Variants in DNAH2 observed in about 807,000 individuals in gnomAD.
The protein encoded by DNAH2 is axonemal beta dynein heavy chain 2.
Under a neutral mutation model 523.5 loss-of-function variants are expected in DNAH2, and 323 were observed. That is an observed-to-expected ratio of 0.62 (90% CI 0.56 to 0.68). The LOEUF (loss-of-function observed/expected upper bound fraction) is 0.68, where lower values mean the gene tolerates loss of function less well. Among genes scored for constraint, DNAH2 ranks in the 30% least tolerant of loss-of-function variants. DNAH2 has a pLI of 0.00. For missense variants in DNAH2, 4,907 were observed against 5,701.5 expected, an observed-to-expected ratio of 0.86 and a Z score of 4.49; for synonymous variants, 2,093 against 2,177.4, an observed-to-expected ratio of 0.96 and a Z score of 1.08.
intron 4 of DNAH2, among the ~76,000 whole-genome samples, chr17:7,731,731 T>C (rs1270612379): frequency 6.6e-6 from 1 of 152,074 alleles, no homozygotes; most frequent in African/African-American, 2.4e-5. Context: ...TGTTAAACTT[T>C]TAAAAAAATG....
intron 11 of DNAH2, 68 bp from the exon 12 acceptor site, chr17:7,742,860 C>CGGTGGTCGCCGTATCATTAAAA: frequency 2.5e-6 from 3 of 1,217,058 alleles, no homozygotes; most frequent in Non-Finnish European, 3.3e-6. Context: ...GTGTAGGTCT[C>CGGTGGTCGCCGTATCATTAAAA]AGGGAGATGG....
chr17:7,748,029 C>T lies in DNAH2; in HGVS notation c.1904+4887C>T, dbSNP rs141882333. On this transcript the variant is annotated intron_variant, in intron 12 of 85. Transcript: ENST00000572933. The stretch of plus-strand genomic sequence containing the variant: ...ACTGTCCAAATGTTCTGATGTTCCT[C>T]GGAATTACCTGGCTCTCTTAGTCCT... Among the ~76,000 whole-genome samples the T allele has an allele frequency of 3.0e-3, 456 of 152,338 alleles. 2 individuals carry two copies. The highest frequency in any genetic ancestry group is 0.024 in the Middle Eastern group (7 of 294).
At chr17:7,735,113 T>A (rs1291694091) in intron 7 of DNAH2, among the ~76,000 whole-genome samples, 1 of 152,130 alleles carries the variant, frequency 6.6e-6, no homozygotes, top group African/African-American at 2.4e-5. Context: ...GATAAATACT[T>A]TTTTTCTTTT....
intron 53 of DNAH2, 56 bp downstream of exon 53, chr17:7,797,885 T>C: frequency 1.3e-6 from 2 of 1,546,106 alleles, no homozygotes. Context: ...GGGGTATGTC[T>C]AAGGAAATAG....
chr17:7,827,276 G>A (rs2078046591), intron 77 of DNAH2, among the ~76,000 whole-genome samples: 1 of 148,386 alleles, frequency 6.7e-6, no homozygotes, highest in South Asian at 2.2e-4. Context: ...TTTTTAAATG[G>A]TTTGTGCTCC....
At position 7,787,949 on chromosome 17, in the gene DNAH2, C is replaced by T. The variant is rs1014786799; in HGVS notation, c.6693C>T (p.Asp2231=). ...RCGMVYTDYA[D]LGWKPYVQSW... ...GGATGGTCTACACTGACTACGCTGA[C>T]CTGGGCTGGAAGCCCTATGTTCAGT... is the stretch of plus-strand genomic sequence containing the variant. The change falls in exon 43 of 86, where the codon GAC becomes GAT. Residue 2231 remains aspartate (D), a synonymous_variant. Transcript: ENST00000572933. The T allele has an allele frequency of 5.0e-6, 8 of 1,614,198 alleles. No individual in the cohort carries two copies. The highest frequency in any genetic ancestry group is 1.6e-4 in the Middle Eastern group (1 of 6,062).
Position 7,831,225 on chromosome 17 carries a change from A to G in DNAH2, c.12370A>G (p.Thr4124Ala). The part of the protein sequence containing the change: ...HPNADVASQI[T>A]EAQTLFDTLL... The stretch of plus-strand genomic sequence containing the variant: ...CAATGCTGATGTGGCCTCTCAGATC[A>G]CTGAGGCACAAACCCTCTTTGATAC... The change falls in exon 80 of 86, where the codon ACT (threonine) becomes GCT (alanine). Residue 4124 changes from threonine (T) to alanine (A), a missense_variant. Physicochemically the swap from Thr to Ala is moderately conservative, Grantham distance 58. Coordinates refer to ENST00000572933, the MANE Select transcript of DNAH2 (RefSeq NM_020877.5). The surrounding 1 kb of genome is among the most constrained non-coding windows in gnomAD (Gnocchi z 4.2). 1 of 1,614,142 alleles carries G rather than the reference A, an allele frequency of 6.2e-7. No homozygotes were observed. The highest frequency in any genetic ancestry group is 8.5e-7 in the Non-Finnish European group (1 of 1,180,032).
intron 30 of DNAH2, 90 bp from the exon 31 acceptor site, chr17:7,775,934 T>G (rs993986011): frequency 9.7e-6 from 15 of 1,547,902 alleles, no homozygotes; most frequent in Admixed American, 7.0e-5. Flanking sequence ...TACAAAGCCC[T>G]GAAGTGCTGC....
At position 7,804,404 on chromosome 17, in the gene DNAH2, C is replaced by G. The variant is rs1382409823; in HGVS notation, c.9121C>G (p.Gln3041Glu). The change falls in exon 59 of 86, where the codon CAG (glutamine) becomes GAG (glutamate). Residue 3041 changes from glutamine (Q) to glutamate (E), a missense_variant. Gln to Glu is a conservative substitution (Grantham distance 29). This residue lies in a region of DNAH2 where 1,851 missense variants were observed against 2,139.4 expected (regional missense o/e 0.87). Coordinates refer to ENST00000572933, the MANE Select transcript of DNAH2 (RefSeq NM_020877.5). ...GAAGAAGGTGGCTGAGTTCCAGAAG[C>G]AGTGTGAGGAGTACCTGGTCATCAT... ...AKKKVAEFQK[Q>E]CEEYLVIIVQ... 6.2e-7 allele frequency: 1 copy of G among 1,614,088 alleles called. No individual in the cohort carries two copies. Among genetic ancestry groups the G allele is most frequent in the Non-Finnish European group, 8.5e-7 (1 of 1,180,016 alleles).
Position 7,793,028 on chromosome 17 carries a change from G to A in DNAH2, c.7392G>A (p.Lys2464=), listed in dbSNP as rs1475936539. The A allele has an allele frequency of 1.2e-6, 2 of 1,614,050 alleles. No homozygotes were observed. Among genetic ancestry groups the A allele is most frequent in the South Asian group, 2.2e-5 (2 of 91,078 alleles). The change falls in exon 48 of 86, where the codon AAG becomes AAA. Residue 2464 remains lysine, a synonymous_variant. Transcript: ENST00000572933. ...VQSIIESRVE[K]RTKGVYVPFG... Reference sequence around the variant, plus strand: ...GCATCATTGAGAGCAGGGTTGAGAAGCGAACCAAGGGTGTCTACGTGCCAT... The same window carrying A: ...GCATCATTGAGAGCAGGGTTGAGAAACGAACCAAGGGTGTCTACGTGCCAT...
In DNAH2 at chr17:7,796,636, TTCGAGACA is replaced by T. The variant is rs1567714800; in HGVS notation, c.7850_7857del (p.Arg2617LeufsTer9). The T allele has an allele frequency of 1.9e-6, 3 of 1,611,906 alleles. No individual in the cohort carries two copies. Among genetic ancestry groups the T allele is most frequent in the Non-Finnish European group, 1.7e-6 (2 of 1,179,448 alleles). ...ACCAAGATGCATTACCTCTTCAACC[TTCGAGACA>T]TCTCCAAGGTGACTCGCGGCCTGAC... On this transcript the variant is annotated frameshift_variant, in exon 50 of 86. Coordinates refer to ENST00000572933, the MANE Select transcript of DNAH2 (RefSeq NM_020877.5). LOFTEE classifies it high-confidence loss of function.
chr17:7,804,933 AC>A (rs1176644505), intron 59 of DNAH2, 24 bp from the exon 60 acceptor site: 1 of 1,599,358 alleles, frequency 6.3e-7, no homozygotes, highest in African/African-American at 1.3e-5. Flanking sequence ...AAGACAAAAA[AC>A]CCTTGTCCTT....
rs1285659504 is a variant in DNAH2, at chr17:7,788,087, C to A, written c.6743C>A (p.Ala2248Asp). Residue 2248 changes from alanine (A) to aspartate (D), a missense_variant and splice_region_variant, in exon 44 of 86, where the codon GCT (alanine) becomes GAT (aspartate). Coordinates refer to ENST00000572933, the MANE Select transcript of DNAH2 (RefSeq NM_020877.5). ...VQSWLEKRPK[A>D]EVEPLQRMFE... ...GAGCCCCTTCTTATTCAACTCCAGG[C>A]TGAGGTGGAGCCCCTTCAACGCATG... 4 of 1,614,006 alleles carry A rather than the reference C, an allele frequency of 2.5e-6. No individual in the cohort carries two copies. In the South Asian group the frequency reaches 4.4e-5, roughly 18 times the overall value.
At chr17:7,813,625 T>C (rs2077579555) in intron 63 of DNAH2, among the ~76,000 whole-genome samples, 1 of 152,156 alleles carries the variant, frequency 6.6e-6, no homozygotes, top group South Asian at 2.1e-4. Context: ...TCATTTATTC[T>C]GGCCAGGCCC....
chr17:7,741,082 T>G lies in DNAH2; in HGVS notation c.1689+90T>G. ...TCCTGAGAGGTTCCCCAAAGAGTCT[T>G]CAGGACCAGCACCTATGTCGGTGAG... On this transcript the variant is annotated intron_variant, in intron 11 of 85. Coordinates refer to ENST00000572933, the MANE Select transcript of DNAH2 (RefSeq NM_020877.5). The G allele has an allele frequency of 2.7e-6, 4 of 1,478,778 alleles. No individual in the cohort carries two copies. In the Admixed American group the frequency reaches 6.2e-5, roughly 23 times the overall value. 91.6% of individuals were successfully genotyped at this position (1,478,778 alleles called of 1,614,324 possible).
intron 11 of DNAH2, among the ~76,000 whole-genome samples, chr17:7,742,386 G>A (rs962413117): frequency 3.3e-5 from 5 of 152,112 alleles, no homozygotes; most frequent in African/African-American, 9.7e-5. Flanking sequence ...AGCCGAGATC[G>A]CGCCACTGTA....
rs763128356 is a variant in DNAH2, at chr17:7,779,222, ACT to A, written c.5542-18_5542-17del. The A allele has an allele frequency of 3.1e-6, 5 of 1,609,874 alleles. No homozygotes were observed. Among genetic ancestry groups the A allele is most frequent in the East Asian group, 4.5e-5 (2 of 44,778 alleles). On this transcript the variant is annotated intron_variant, in intron 35 of 85. Coordinates refer to ENST00000572933, the MANE Select transcript of DNAH2 (RefSeq NM_020877.5). ...CTTGGGGCACCTCTCGCTCCCAGTG[ACT>A]CTGCCTTGCACCCCGCAGACTGGAG...
At chr17:7,775,392 A>G (rs1368634994) in intron 30 of DNAH2, 50 bp downstream of exon 30, 12 of 1,554,250 alleles carry the variant, frequency 7.7e-6, no homozygotes, top group African/African-American at 2.7e-5. Flanking sequence ...CTTCCTACAG[A>G]AAGTTCACCT....
At chr17:7,822,509 ATCT>A (rs1173016157) in intron 73 of DNAH2, among the ~76,000 whole-genome samples, 2 of 151,998 alleles carry the variant, frequency 1.3e-5, no homozygotes, top group Non-Finnish European at 2.9e-5. Flanking sequence ...TGCGACCTTG[ATCT>A]TCTTATTTAA....
Sources: allele counts gnomAD v4.1 joint callset (sites outside exome capture counted in the v4.1 genomes callset), GRCh38; gene constraint gnomAD v4.1.1; regional missense constraint gnomAD v4.1.1; non-coding constraint Gnocchi (gnomAD v3.1); transcripts MANE v1.5; gene names NCBI Gene and HGNC (gene_info 2026-07-23, HGNC 2026-07-21).